Variants in SGCZ observed in about 807,000 individuals in gnomAD.
SGCZ encodes the protein sarcoglycan zeta, also known as zeta-sarcoglycan.
A neutral mutation model predicts 41.3 loss-of-function variants in SGCZ; 40 were observed. The ratio of observed to expected loss-of-function variants is 0.97; its 90% CI spans 0.75 to 1.26. The LOEUF is 1.26. Ranked by LOEUF, SGCZ falls within the 50% of genes most tolerant of loss-of-function variation. SGCZ has a pLI of 0.00. For missense variants in SGCZ, 552 were observed against 369.8 expected (o/e 1.49, Z -4.04); for synonymous variants, 206 against 137.5 (o/e 1.50, Z -3.49).
intron 2 of SGCZ, among the ~76,000 whole-genome samples, chr8:14,409,984 G>A (rs1313355959): frequency 2.6e-5 from 4 of 152,042 alleles, no homozygotes; most frequent in Admixed American, 6.6e-5. Context: ...CCCAGGCCAC[G>A]GACCAGTAAC....
At chr8:14,169,452 G>A (rs1804308101) in intron 4 of SGCZ, among the ~76,000 whole-genome samples, 1 of 151,976 alleles carries the variant, frequency 6.6e-6, no homozygotes, top group Admixed American at 6.6e-5. Context: ...GTAAATTAAG[G>A]GGCCAATCCT....
At chr8:15,219,501 G>T (rs1277802016) in intron 1 of SGCZ, among the ~76,000 whole-genome samples, 1 of 152,174 alleles carries the variant, frequency 6.6e-6, no homozygotes, top group African/African-American at 2.4e-5. Flanking sequence ...TCTGAGAAAG[G>T]TGTGTTTTTT....
intron 1 of SGCZ, among the ~76,000 whole-genome samples, chr8:14,715,586 C>T (rs1394016267): frequency 6.6e-6 from 1 of 151,152 alleles, no homozygotes; most frequent in African/African-American, 2.4e-5. Context: ...AAACAGGATT[C>T]TGTAGAAGAC....
chr8:14,185,954 G>A (rs757925877), intron 4 of SGCZ, among the ~76,000 whole-genome samples: 37 of 152,120 alleles, frequency 2.4e-4, no homozygotes, highest in Non-Finnish European at 4.3e-4. Flanking sequence ...TGGAATCTGC[G>A]TTTCTAATCA....
At chr8:14,175,260 G>T (rs1263421408) in intron 4 of SGCZ, among the ~76,000 whole-genome samples, 1 of 151,944 alleles carries the variant, frequency 6.6e-6, no homozygotes, top group African/African-American at 2.4e-5. Context: ...AACGAATCAT[G>T]AACAAATTTA....
chr8:14,223,420 T>A (rs572729594), intron 4 of SGCZ, among the ~76,000 whole-genome samples: 2 of 152,156 alleles, frequency 1.3e-5, no homozygotes, highest in Admixed American at 1.3e-4. Flanking sequence ...TACTATAGAG[T>A]TCAGATTATT....
chr8:14,244,688 T>C (rs927861939), intron 3 of SGCZ, among the ~76,000 whole-genome samples: 18 of 151,874 alleles, frequency 1.2e-4, no homozygotes, highest in African/African-American at 4.4e-4. Context: ...TTGGGCAGTA[T>C]GGCCATTTTC....
In SGCZ at chr8:15,063,376, G is replaced by A. The variant is rs984527787; in HGVS notation, c.39+174209C>T. 2.6e-5 allele frequency among the ~76,000 whole-genome samples: 4 copies of A among 152,170 alleles called. No individual in the cohort carries two copies. In the East Asian group the frequency reaches 7.7e-4, roughly 29 times the overall value. ...TGATTTTTGCATAGCTTTTAAAAAG[G>A]TGGTCTACATGACCATTTCTTACAT... On this transcript the variant is annotated intron_variant, in intron 1 of 7. Coordinates refer to ENST00000382080, the MANE Select transcript of SGCZ (RefSeq NM_139167.4).
chr8:14,483,787 T>C (rs1478770854), intron 2 of SGCZ, among the ~76,000 whole-genome samples: 1 of 152,176 alleles, frequency 6.6e-6, no homozygotes, highest in Non-Finnish European at 1.5e-5. Flanking sequence ...ACTATGTATA[T>C]ATGAATATAT....
intron 4 of SGCZ, among the ~76,000 whole-genome samples, chr8:14,176,308 C>T (rs536014935): frequency 6.6e-6 from 1 of 152,012 alleles, no homozygotes; most frequent in Non-Finnish European, 1.5e-5. Flanking sequence ...ATGGAAATTA[C>T]AAAACTTTTT....
intron 1 of SGCZ, among the ~76,000 whole-genome samples, chr8:15,182,603 C>G (rs1358293663): frequency 6.6e-6 from 1 of 151,564 alleles, no homozygotes; most frequent in East Asian, 1.9e-4. Context: ...TGTATAGGAC[C>G]CTTACCATGA....
intron 1 of SGCZ, among the ~76,000 whole-genome samples, chr8:14,624,112 G>A (rs547813548): frequency 3.5e-4 from 53 of 152,066 alleles, no homozygotes; most frequent in South Asian, 1.7e-3. Flanking sequence ...TGCCTCTGTC[G>A]TCCTTAAAAG....
intron 1 of SGCZ, among the ~76,000 whole-genome samples, chr8:14,982,265 T>G (rs1395382885): frequency 6.6e-6 from 1 of 152,196 alleles, no homozygotes; most frequent in Non-Finnish European, 1.5e-5. Flanking sequence ...AGGGACTGAA[T>G]GCAAATACTA....
intron 3 of SGCZ, among the ~76,000 whole-genome samples, chr8:14,321,794 A>G (rs1801925724): frequency 6.6e-6 from 1 of 152,124 alleles, no homozygotes; most frequent in African/African-American, 2.4e-5. Flanking sequence ...TGACTATATG[A>G]AAATCCGTGA....
chr8:15,012,575 A>ATT (rs1201199340), intron 1 of SGCZ, among the ~76,000 whole-genome samples: 1 of 103,408 alleles, frequency 9.7e-6, no homozygotes, highest in Non-Finnish European at 2.2e-5. Context: ...ATAAATATAT[A>ATT]TTTATATAAC....
intron 1 of SGCZ, among the ~76,000 whole-genome samples, chr8:14,946,226 G>T (rs1762669236): frequency 6.6e-6 from 1 of 150,512 alleles, no homozygotes; most frequent in African/African-American, 2.4e-5. Flanking sequence ...AGCCTCCTCA[G>T]TTCCTCACAG....
intron 1 of SGCZ, among the ~76,000 whole-genome samples, chr8:14,903,842 TA>T (rs1799044602): frequency 6.6e-6 from 1 of 151,970 alleles, no homozygotes; most frequent in Non-Finnish European, 1.5e-5. Flanking sequence ...GATTTTGGGT[TA>T]AAGTGAAGAG....
chr8:14,852,920 T>C (rs1290968949), intron 1 of SGCZ, among the ~76,000 whole-genome samples: 2 of 152,192 alleles, frequency 1.3e-5, no homozygotes, highest in Admixed American at 6.5e-5. Flanking sequence ...TATGTTACTA[T>C]TTCTATGGGG....
chr8:14,273,800 T>C (rs1027451875), intron 3 of SGCZ, among the ~76,000 whole-genome samples: 1 of 152,134 alleles, frequency 6.6e-6, no homozygotes. Context: ...TAATAGCCTC[T>C]CGAGAGATGC....
Sources: allele counts gnomAD v4.1 joint callset (sites outside exome capture counted in the v4.1 genomes callset), GRCh38; gene constraint gnomAD v4.1.1; transcripts MANE v1.5; gene names NCBI Gene and HGNC (gene_info 2026-07-23, HGNC 2026-07-21).